Variants in SYT14 observed in about 807,000 individuals in gnomAD.
SYT14 encodes synaptotagmin 14.
SYT14 carries 32 observed loss-of-function variants against 74.2 expected under a neutral mutation model. That is an observed-to-expected ratio of 0.43 (90% CI 0.33 to 0.58). The LOEUF is 0.58. Among genes scored for constraint, SYT14 ranks in the 20% least tolerant of loss-of-function variants. SYT14 has a pLI of 0.05. For missense variants in SYT14, 791 were observed against 981.8 expected, an observed-to-expected ratio of 0.81 and a Z score of 2.60; for synonymous variants, 298 against 337.7, an observed-to-expected ratio of 0.88 and a Z score of 1.29.
intron 7 of SYT14, among the ~76,000 whole-genome samples, chr1:210,126,096 G>A (rs960707221): frequency 2.0e-5 from 3 of 152,002 alleles, no homozygotes; most frequent in Non-Finnish European, 4.4e-5. Flanking sequence ...CCAGCTATGC[G>A]GGAGCCTGAT....
chr1:209,996,000 G>A (rs1022020178), intron 2 of SYT14, among the ~76,000 whole-genome samples: 1 of 152,064 alleles, frequency 6.6e-6, no homozygotes, highest in East Asian at 1.9e-4. Flanking sequence ...ACAGTTTATA[G>A]CCCTAAATGC....
At chr1:209,965,219 C>T (rs1226369844) in intron 2 of SYT14, among the ~76,000 whole-genome samples, 1 of 152,104 alleles carries the variant, frequency 6.6e-6, no homozygotes, top group African/African-American at 2.4e-5. Context: ...GTTATTCAAC[C>T]CTTTTCCCCC....
intron 5 of SYT14, among the ~76,000 whole-genome samples, chr1:210,067,480 T>G (rs1010444508): frequency 2.0e-5 from 3 of 152,002 alleles, no homozygotes; most frequent in African/African-American, 7.2e-5. Context: ...CAACGATGTT[T>G]TTCAGTTTTC....
chr1:210,161,544 A>G (rs1281727942), exon 10 of SYT14: 1 of 454,062 alleles, frequency 2.2e-6, no homozygotes, highest in African/African-American at 2.0e-5. Flanking sequence ...GAAGGGTTTC[A>G]GTCACATTGA....
intron 7 of SYT14, among the ~76,000 whole-genome samples, chr1:210,132,892 TCTTA>T (rs2082706993): frequency 6.6e-6 from 1 of 152,124 alleles, no homozygotes; most frequent in Admixed American, 6.6e-5. Flanking sequence ...TAACTATACC[TCTTA>T]CTTGTTTCTG....
chr1:210,065,669 TACTTA>T (rs1319379109), intron 5 of SYT14, among the ~76,000 whole-genome samples: 4 of 152,078 alleles, frequency 2.6e-5, no homozygotes, highest in Admixed American at 1.3e-4. Flanking sequence ...TTTTAATATT[TACTTA>T]ACTTTTCATT....
At chr1:210,082,590 C>A (rs181464939) in intron 5 of SYT14, among the ~76,000 whole-genome samples, 2 of 152,292 alleles carry the variant, frequency 1.3e-5, no homozygotes, top group East Asian at 3.9e-4. Flanking sequence ...TCTCTTAGAG[C>A]CTACTTAGCC....
At chr1:210,130,040 T>C (rs1005074532) in intron 7 of SYT14, among the ~76,000 whole-genome samples, 1 of 152,224 alleles carries the variant, frequency 6.6e-6, no homozygotes, top group African/African-American at 2.4e-5. Context: ...TGAGTCACTG[T>C]TGAGTTCTGA....
At chr1:210,104,206 T>C (rs1009380172) in intron 7 of SYT14, among the ~76,000 whole-genome samples, 1 of 152,186 alleles carries the variant, frequency 6.6e-6, no homozygotes, top group African/African-American at 2.4e-5. Flanking sequence ...ACAGTTGCAG[T>C]AGAGGAAAGT....
intron 1 of SYT14, among the ~76,000 whole-genome samples, chr1:209,943,260 T>C (rs1179045551): frequency 6.6e-6 from 1 of 152,058 alleles, no homozygotes; most frequent in South Asian, 2.1e-4. Flanking sequence ...GCAGTGTACT[T>C]TGGTAGGCCG....
At chr1:209,938,255 C>A (rs1346831323) in exon 1 of SYT14, 3 of 1,558,988 alleles carry the variant, frequency 1.9e-6, no homozygotes, top group African/African-American at 1.4e-5. Context: ...CGGTCCATGG[C>A]GAGCGCATCA....
chr1:210,163,658 C>A (rs1222157779), exon 10 of SYT14: 1 of 453,662 alleles, frequency 2.2e-6, no homozygotes, highest in Admixed American at 2.4e-5. Flanking sequence ...TCACACACAG[C>A]AAAATATACA....
chr1:210,090,052 G>A (rs777494557), intron 5 of SYT14, among the ~76,000 whole-genome samples: 4 of 152,170 alleles, frequency 2.6e-5, no homozygotes, highest in Non-Finnish European at 5.9e-5. Flanking sequence ...AAGTTACAGC[G>A]TTACACATGA....
chr1:210,074,678 A>G (rs1389108815), intron 5 of SYT14, among the ~76,000 whole-genome samples: 1 of 152,202 alleles, frequency 6.6e-6, no homozygotes, highest in Non-Finnish European at 1.5e-5. Flanking sequence ...CATAATAGTG[A>G]AATGGGAAAA....
At chr1:209,989,981 T>A (rs1469979617) in intron 2 of SYT14, among the ~76,000 whole-genome samples, 2 of 152,124 alleles carry the variant, frequency 1.3e-5, no homozygotes, top group African/African-American at 4.8e-5. Context: ...TACTTGCAGT[T>A]AGCACAATTT....
intron 2 of SYT14, among the ~76,000 whole-genome samples, chr1:209,991,658 C>T (rs1264790954): frequency 1.3e-5 from 2 of 151,950 alleles, no homozygotes; most frequent in African/African-American, 4.8e-5. Context: ...AGTGAAACCC[C>T]ATCTCTACTG....
At chr1:210,071,243 A>G (rs931713950) in intron 5 of SYT14, among the ~76,000 whole-genome samples, 12 of 70,836 alleles carry the variant, frequency 1.7e-4, no homozygotes, top group Non-Finnish European at 4.5e-4. Flanking sequence ...TATTGCTTGT[A>G]AATTAAAGAG....
At chr1:209,939,334 C>G (rs980420807) in intron 1 of SYT14, among the ~76,000 whole-genome samples, 6 of 152,202 alleles carry the variant, frequency 3.9e-5, no homozygotes, top group Non-Finnish European at 8.8e-5. Context: ...AAGTGTGTTC[C>G]TAAGTAAAAC....
intron 3 of SYT14, among the ~76,000 whole-genome samples, chr1:210,015,070 A>G (rs1379633699): frequency 8.4e-6 from 1 of 119,212 alleles, no homozygotes; most frequent in Non-Finnish European, 1.5e-5. Context: ...TAATATAAAT[A>G]TCATCTTTAA....
Sources: allele counts gnomAD v4.1 joint callset (sites outside exome capture counted in the v4.1 genomes callset), GRCh38; gene constraint gnomAD v4.1.1; transcripts MANE v1.5; gene names NCBI Gene and HGNC (gene_info 2026-07-23, HGNC 2026-07-21).